Variants in FBRSL1 observed in about 807,000 individuals in gnomAD.
FBRSL1 encodes the protein fibrosin-1-like protein.
FBRSL1 carries 51 observed loss-of-function variants against 89.6 expected under a neutral mutation model. The ratio of observed to expected loss-of-function variants is 0.57; its 90% confidence interval spans 0.45 to 0.72. The LOEUF is 0.72. FBRSL1 is among the 30% of genes least tolerant of loss of function. The pLI, the probability that FBRSL1 is intolerant of heterozygous loss-of-function variation, is 0.00. For synonymous variants in FBRSL1, 779 were observed against 681.1 expected, an observed-to-expected ratio of 1.14 and a Z score of -2.24; for missense variants, 1,618 against 1,451.8, an observed-to-expected ratio of 1.11 and a Z score of -1.86.
chr12:132,564,244 G>C (rs1162677656), intron 5 of FBRSL1, among the ~76,000 whole-genome samples: 1 of 152,176 alleles, frequency 6.6e-6, no homozygotes, highest in Admixed American at 6.5e-5. Context: ...TGGACCCTGA[G>C]CCGCCTCCCT....
chr12:132,498,559 C>T (rs1164145782), intron 1 of FBRSL1, among the ~76,000 whole-genome samples: 2 of 152,242 alleles, frequency 1.3e-5, no homozygotes, highest in East Asian at 3.8e-4. Flanking sequence ...CCACCACCCC[C>T]ATGTGGGGAT....
At chr12:132,529,651 G>A (rs1048319552) in intron 4 of FBRSL1, among the ~76,000 whole-genome samples, 3 of 145,802 alleles carry the variant, frequency 2.1e-5, no homozygotes, top group Non-Finnish European at 4.5e-5. Context: ...TGCCACCCTG[G>A]GCTTGGCTCT....
At chr12:132,538,264 C>G (rs1402553882) in intron 4 of FBRSL1, among the ~76,000 whole-genome samples, 2 of 152,228 alleles carry the variant, frequency 1.3e-5, no homozygotes, top group African/African-American at 4.8e-5. Flanking sequence ...GCAGGGCTCT[C>G]CAGGCCTGCT....
At chr12:132,514,686 G>T (rs1399605512) in intron 2 of FBRSL1, among the ~76,000 whole-genome samples, 1 of 152,200 alleles carries the variant, frequency 6.6e-6, no homozygotes, top group Non-Finnish European at 1.5e-5. Context: ...ACACGACCTA[G>T]AGGGCTCCCT....
chr12:132,501,103 G>A (rs562313215), intron 1 of FBRSL1, among the ~76,000 whole-genome samples: 51 of 152,312 alleles, frequency 3.3e-4, no homozygotes, highest in African/African-American at 1.1e-3. Context: ...GGCCCCTGAC[G>A]TGGACTGGAC....
intron 4 of FBRSL1, among the ~76,000 whole-genome samples, chr12:132,528,738 T>C (rs1276422910): frequency 2.7e-5 from 4 of 149,092 alleles, no homozygotes; most frequent in Non-Finnish European, 4.5e-5. Context: ...CGTGCCTCCC[T>C]GTGGGTGCAC....
At chr12:132,527,524 G>T (rs1404150213) in intron 3 of FBRSL1, among the ~76,000 whole-genome samples, 1 of 152,360 alleles carries the variant, frequency 6.6e-6, no homozygotes, top group East Asian at 1.9e-4. Flanking sequence ...TGCCTGAGAG[G>T]ATGTCTCGCT....
chr12:132,583,475 G>A lies in FBRSL1; in HGVS notation c.2706G>A (p.Leu902=). The change falls in exon 19 of 19, where the codon CTG becomes CTA. Residue 902 remains leucine, a synonymous_variant. Transcript: ENST00000680143. Reference sequence around the variant, plus strand: ...GCCCCGAGCGCCTGCGCGGGGAGCTGGAGCGCGCGCGGGCCCCGCACCTGC... The same window carrying A: ...GCCCCGAGCGCCTGCGCGGGGAGCTAGAGCGCGCGCGGGCCCCGCACCTGC... ...GYSPERLRGE[L]ERARAPHLPP... 1 of 1,056,508 alleles carries A rather than the reference G, an allele frequency of 9.5e-7. No individual in the cohort carries two copies. 65.4% of individuals were successfully genotyped at this position (1,056,508 alleles called of 1,614,324 possible). A position where few individuals can be genotyped will look rare whatever the true frequency, so the allele number is the denominator to read the frequency against.
rs372616539 is a variant in FBRSL1 at position 132,564,034 on chromosome 12, G to C, written c.646-3447G>C. Among the ~76,000 whole-genome samples, 157 of 151,894 alleles carry C rather than the reference G, an allele frequency of 1.0e-3. 3 individuals are homozygous for C. The East Asian group carries it at 0.023, about 22-fold the overall frequency. On this transcript the variant is annotated intron_variant, in intron 5 of 18. Coordinates refer to ENST00000680143, the MANE Select transcript of FBRSL1 (RefSeq NM_001367871.1). Reference sequence around the variant, plus strand: ...CTGCTGTGGCTGGGGCCGCGCTCACGGTCACACGGCTGCGTGCTCTTTGTG... The same window carrying C: ...CTGCTGTGGCTGGGGCCGCGCTCACCGTCACACGGCTGCGTGCTCTTTGTG...
At chr12:132,572,399 C>T (rs1194081389) in intron 10 of FBRSL1, 55 bp downstream of exon 10, 11 of 1,538,278 alleles carry the variant, frequency 7.2e-6, no homozygotes, top group South Asian at 3.6e-5. Flanking sequence ...GTCCTGGCCA[C>T]GGGGCGGTGG....
At chr12:132,547,791 G>A (rs1169128319) in intron 4 of FBRSL1, among the ~76,000 whole-genome samples, 1 of 152,190 alleles carries the variant, frequency 6.6e-6, no homozygotes, top group African/African-American at 2.4e-5. Flanking sequence ...CCCACCCGGG[G>A]GGCTGTGATC....
At chr12:132,539,170 T>C (rs2037008989) in intron 4 of FBRSL1, among the ~76,000 whole-genome samples, 1 of 152,052 alleles carries the variant, frequency 6.6e-6, no homozygotes, top group Non-Finnish European at 1.5e-5. Flanking sequence ...TGGCAGCTCT[T>C]TCCAGGCGCC....
At chr12:132,520,580 G>A (rs563325201) in intron 2 of FBRSL1, among the ~76,000 whole-genome samples, 9 of 152,276 alleles carry the variant, frequency 5.9e-5, no homozygotes, top group African/African-American at 9.6e-5. Context: ...GTGCGGCATC[G>A]GCTCCTCCCG....
intron 2 of FBRSL1, among the ~76,000 whole-genome samples, chr12:132,513,476 C>G (rs886732825): frequency 9.2e-5 from 14 of 152,046 alleles, no homozygotes; most frequent in Admixed American, 7.9e-4. Flanking sequence ...CTACAGAGAC[C>G]CTGTTGCTGC....
At chr12:132,525,072 G>A (rs1363286015) in intron 2 of FBRSL1, among the ~76,000 whole-genome samples, 3 of 152,160 alleles carry the variant, frequency 2.0e-5, no homozygotes, top group South Asian at 2.1e-4. Flanking sequence ...GGCGTGGGGC[G>A]TGGGGGTGGG....
intron 1 of FBRSL1, among the ~76,000 whole-genome samples, chr12:132,497,079 T>C (rs1335167658): frequency 6.6e-6 from 1 of 152,276 alleles, no homozygotes; most frequent in Non-Finnish European, 1.5e-5. Context: ...GTAAAGTTAG[T>C]CTGGTAGTCT....
chr12:132,535,965 G>A (rs559681857), intron 4 of FBRSL1, among the ~76,000 whole-genome samples: 7 of 151,566 alleles, frequency 4.6e-5, no homozygotes, highest in South Asian at 2.1e-4. Flanking sequence ...GTGAGCACAC[G>A]TGTGTCCATG....
At chr12:132,559,937 C>T (rs1206939753) in intron 5 of FBRSL1, 1 of 148,212 alleles carries the variant, frequency 6.7e-6, no homozygotes, top group Non-Finnish European at 1.5e-5. Flanking sequence ...CCCGCCCCCG[C>T]CCCGCCCGCG....
At chr12:132,567,571 A>C in intron 6 of FBRSL1, 45 bp downstream of exon 6, 2 of 1,531,690 alleles carry the variant, frequency 1.3e-6, no homozygotes, top group Non-Finnish European at 1.8e-6. Context: ...CTGAAGAGAC[A>C]CAATGCGCCC....
Sources: gnomAD v4.1 joint callset for allele counts (sites outside exome capture counted in the v4.1 genomes callset) on GRCh38, gnomAD v4.1.1 for gene constraint, MANE v1.5 for transcripts, NCBI Gene and HGNC (gene_info 2026-07-23, HGNC 2026-07-21) for gene names.